CCDC88C: variants seen among roughly 807,000 people sequenced by gnomAD.
CCDC88C encodes the protein coiled-coil and HOOK domain protein 88C, also known as protein Daple.
A neutral mutation model predicts 198.8 loss-of-function variants in CCDC88C; 131 were observed. The ratio of observed to expected loss-of-function variants is 0.66; its 90% confidence interval spans 0.57 to 0.76. CCDC88C has a LOEUF of 0.76. Among genes scored for constraint, CCDC88C ranks in the 30% least tolerant of loss-of-function variants. The probability of loss-of-function intolerance (pLI) is 0.00; values close to 1 mark genes in which losing one functional copy is unlikely to be tolerated. For synonymous variants in CCDC88C, 1,166 were observed against 1,114.7 expected (o/e 1.05, Z -0.92); for missense variants, 2,553 against 2,631.6 (o/e 0.97, Z 0.65).
At chr14:91,367,981 C>A (rs1223446020) in intron 3 of CCDC88C, among the ~76,000 whole-genome samples, 1 of 152,170 alleles carries the variant, frequency 6.6e-6, no homozygotes, top group Non-Finnish European at 1.5e-5. Context: ...CCTAATGCTT[C>A]CTCAGCCCCC....
chr14:91,291,131 A>C, intron 23 of CCDC88C, 47 bp from the exon 24 acceptor site: 1 of 1,122,958 alleles, frequency 8.9e-7, no homozygotes, highest in Non-Finnish European at 1.3e-6. Flanking sequence ...TTTTAAATCA[A>C]ACAAGTGAAT....
At chr14:91,400,857 T>C (rs537203797) in intron 3 of CCDC88C, among the ~76,000 whole-genome samples, 7 of 152,332 alleles carry the variant, frequency 4.6e-5, no homozygotes, top group Admixed American at 6.5e-5. Context: ...AGTATTCATG[T>C]CCTTTGACCT....
In CCDC88C at chr14:91,364,658, T is replaced by C. The variant is rs368016144; in HGVS notation, c.271-4947A>G. 2.0e-5 allele frequency among the ~76,000 whole-genome samples: 3 copies of C among 152,208 alleles called. No individual in the cohort carries two copies. In the East Asian group the frequency reaches 5.8e-4, roughly 29 times the overall value. On this transcript the variant is annotated intron_variant, in intron 3 of 29. Coordinates refer to ENST00000389857, the MANE Select transcript of CCDC88C (RefSeq NM_001080414.4). ...CCAGGACCCCCTCAGGAAGCATTTG[T>C]CACCCCGGCAGGAAGGTGGCAGGGG...
At chr14:91,281,636 T>C in intron 26 of CCDC88C, 111 bp from the exon 27 acceptor site, 1 of 893,610 alleles carries the variant, frequency 1.1e-6, no homozygotes, top group Non-Finnish European at 1.8e-6. Flanking sequence ...CTCTTGGGGA[T>C]GAGGGAATGG....
At chr14:91,408,329 T>A (rs1302144599) in intron 3 of CCDC88C, 3 of 269,544 alleles carry the variant, frequency 1.1e-5, no homozygotes, top group South Asian at 4.5e-5. Context: ...CACCTCAGGG[T>A]CACCTTCAGG....
intron 2 of CCDC88C, among the ~76,000 whole-genome samples, chr14:91,413,955 C>T (rs1886920756): frequency 6.6e-6 from 1 of 152,208 alleles, no homozygotes; most frequent in African/African-American, 2.4e-5. Flanking sequence ...GCAGAACAGC[C>T]TTACCCCTTA....
chr14:91,370,542 G>A (rs1314182963), intron 3 of CCDC88C, among the ~76,000 whole-genome samples: 7 of 152,216 alleles, frequency 4.6e-5, no homozygotes, highest in African/African-American at 1.7e-4. Context: ...CCAAAGAAGG[G>A]GGCGGGGGGC....
Position 91,273,260 on chromosome 14 carries a change from G to A in CCDC88C, c.5452C>T (p.Pro1818Ser), listed in dbSNP as rs1459254306. The A allele has an allele frequency of 4.5e-6, 7 of 1,558,194 alleles. No homozygotes were observed. The African/African-American group carries it at 5.4e-5, about 12-fold the overall frequency. The change falls in exon 30 of 30, where the codon CCA (proline) becomes TCA (serine). Residue 1818 changes from proline (P) to serine (S), a missense_variant. Physicochemically the swap from Pro to Ser is moderately conservative, Grantham distance 74 (BLOSUM62 -1). This residue lies in a region of CCDC88C where 1,293 missense variants were observed against 1,219.6 expected (regional missense o/e 1.06). Transcript: ENST00000389857. The surrounding 1 kb of genome is among the most constrained non-coding windows in gnomAD (Gnocchi z 5.6). Reference protein sequence around the residue: ...ASADLLRASGPEACKQESPQK... With the variant: ...ASADLLRASGSEACKQESPQK... ...GGGGACTCCTGTTTGCAGGCCTCTG[G>A]CCCGCTGGCCCGGAGAAGGTCAGCT... is the stretch of plus-strand genomic sequence containing the variant.
chr14:91,355,997 T>A (rs555067135), intron 4 of CCDC88C, among the ~76,000 whole-genome samples: 1 of 151,430 alleles, frequency 6.6e-6, no homozygotes, highest in Non-Finnish European at 1.5e-5. Flanking sequence ...TCAAAAAGAG[T>A]ACAAAGCAAG....
chr14:91,292,591 A>G (rs971195912), intron 23 of CCDC88C, among the ~76,000 whole-genome samples: 1 of 152,142 alleles, frequency 6.6e-6, no homozygotes, highest in African/African-American at 2.4e-5. Flanking sequence ...GTTACATCAG[A>G]GAGTTGGGAT....
intron 13 of CCDC88C, among the ~76,000 whole-genome samples, chr14:91,320,364 T>C (rs771565086): frequency 6.6e-6 from 1 of 152,232 alleles, no homozygotes; most frequent in African/African-American, 2.4e-5. Flanking sequence ...GGTCAAAAAG[T>C]GTCCAGGTTG....
intron 10 of CCDC88C, among the ~76,000 whole-genome samples, chr14:91,336,763 G>C (rs72701412): frequency 6.6e-6 from 1 of 152,146 alleles, no homozygotes; most frequent in Non-Finnish European, 1.5e-5. Context: ...CTGAGGAACA[G>C]ACAGGTCCTC....
At chr14:91,302,267 C>T (rs564870972) in intron 20 of CCDC88C, among the ~76,000 whole-genome samples, 4 of 152,294 alleles carry the variant, frequency 2.6e-5, no homozygotes, top group East Asian at 1.9e-4. Context: ...GTTGTTGAGG[C>T]GGCTCCAAAG....
At chr14:91,291,204 T>C (rs910904119) in intron 23 of CCDC88C, 120 bp from the exon 24 acceptor site, 8 of 650,830 alleles carry the variant, frequency 1.2e-5, no homozygotes, top group Non-Finnish European at 2.2e-5. Context: ...AGGATTGAGA[T>C]GAGGGTGCTC....
rs1022366508 is a variant in CCDC88C, at chr14:91,303,639, G to A, written c.3635+62C>T. ...TACCCCAGGCCCCACCTTTCCCCCTGGGCCCAGCCTCTCCTCTGGACTCTA... is the reference window on the plus strand; with the variant it reads ...TACCCCAGGCCCCACCTTTCCCCCTAGGCCCAGCCTCTCCTCTGGACTCTA... On this transcript the variant is annotated intron_variant, in intron 20 of 29. Transcript: ENST00000389857. The A allele has an allele frequency of 2.8e-6, 4 of 1,442,038 alleles. No individual in the cohort carries two copies. The African/African-American group carries it at 6.0e-5, about 22-fold the overall frequency. The allele number at this position is 1,442,038 out of a possible 1,614,324, so 89.3% of individuals were successfully genotyped here.
intron 15 of CCDC88C, 83 bp from the exon 16 acceptor site, chr14:91,310,069 G>A: frequency 7.2e-7 from 1 of 1,386,386 alleles, no homozygotes; most frequent in Non-Finnish European, 9.6e-7. Flanking sequence ...CCGGGTGTGA[G>A]CAACTGTCCT....
Position 91,372,615 on chromosome 14 carries a change from A to T in CCDC88C, c.271-12904T>A, listed in dbSNP as rs141123519. Among the ~76,000 whole-genome samples the T allele has an allele frequency of 2.5e-3, 379 of 149,030 alleles. 1 individual carries two copies. The highest frequency in any genetic ancestry group is 0.017 in the Middle Eastern group (5 of 292). ...AAAGGAAGACACAGAAGGTGCCCCC[A>T]TCTTGTGTCTCTGGCTACAGTCCCA... On this transcript the variant is annotated intron_variant, in intron 3 of 29. Coordinates refer to ENST00000389857, the MANE Select transcript of CCDC88C (RefSeq NM_001080414.4).
chr14:91,285,420 A>T (rs1180318842), intron 25 of CCDC88C: 1 of 449,082 alleles, frequency 2.2e-6, no homozygotes. Flanking sequence ...TGGCCCAAGG[A>T]CATGTGCACG....
rs1238525315 is a variant in CCDC88C at position 91,352,375 on chromosome 14, A to C, written c.340+7267T>G. 1.3e-5 allele frequency among the ~76,000 whole-genome samples: 2 copies of C among 152,154 alleles called. No individual in the cohort carries two copies. Among genetic ancestry groups the C allele is most frequent in the Non-Finnish European group, 2.9e-5 (2 of 68,014 alleles). ...AACTCTGCACCTTCCTAGGAAAGGAAAGCCTCGGCTCCTGGCTTAAGTGCC... is the reference window on the plus strand; with the variant it reads ...AACTCTGCACCTTCCTAGGAAAGGACAGCCTCGGCTCCTGGCTTAAGTGCC... On this transcript the variant is annotated intron_variant, in intron 4 of 29. Coordinates refer to ENST00000389857, the MANE Select transcript of CCDC88C (RefSeq NM_001080414.4). The surrounding 1 kb of genome is among the most constrained non-coding windows in gnomAD (Gnocchi z 4.2).
Sources: gnomAD v4.1 joint callset for allele counts (sites outside exome capture counted in the v4.1 genomes callset) on GRCh38, gnomAD v4.1.1 for gene constraint, gnomAD v4.1.1 regional missense constraint, Gnocchi (gnomAD v3.1) non-coding constraint, MANE v1.5 for transcripts, NCBI Gene and HGNC (gene_info 2026-07-23, HGNC 2026-07-21) for gene names.